Variants in LRRIQ1 observed in about 807,000 individuals in gnomAD.
LRRIQ1 encodes leucine rich repeats and IQ motif containing 1.
A neutral mutation model predicts 211.9 loss-of-function variants in LRRIQ1; 210 were observed. That is an observed-to-expected ratio of 0.99 (90% confidence interval 0.89 to 1.11). LRRIQ1 has a LOEUF of 1.11. Among genes scored for constraint, LRRIQ1 ranks in the 50% most tolerant of loss-of-function variants. LRRIQ1 has a pLI of 0.00. For synonymous variants in LRRIQ1, 699 were observed against 650.1 expected (o/e 1.08, Z -1.14); for missense variants, 2,136 against 1,939.5 (o/e 1.10, Z -1.90).
chr12:85,042,656 CG>C (rs1295446197), intron 3 of LRRIQ1, among the ~76,000 whole-genome samples: 112 of 149,750 alleles, frequency 7.5e-4, no homozygotes, highest in African/African-American at 2.6e-3. Context: ...ATTTGTTACA[CG>C]GGATGATAGT....
At position 85,193,681 on chromosome 12, in the gene LRRIQ1, A is replaced by G. The variant is rs1055684416; in HGVS notation, c.4822+32967A>G. Among the ~76,000 whole-genome samples, 22 of 152,230 alleles carry G rather than the reference A, an allele frequency of 1.4e-4. No individual in the cohort carries two copies. The South Asian group carries it at 3.7e-3, about 26-fold the overall frequency. ...AGAGCTCCTAAAGGAAGCACTAAAC[A>G]TGGAAAGGAACAACCAGTACCAGCC... is the stretch of plus-strand genomic sequence containing the variant. On this transcript the variant is annotated intron_variant, in intron 24 of 26. Transcript: ENST00000393217.
chr12:85,203,716 G>C (rs530472811), intron 24 of LRRIQ1, among the ~76,000 whole-genome samples: 50 of 152,162 alleles, frequency 3.3e-4, no homozygotes, highest in African/African-American at 1.1e-3. Flanking sequence ...GATGATTTAG[G>C]GTATCTGGTG....
intron 19 of LRRIQ1, among the ~76,000 whole-genome samples, chr12:85,145,620 C>T (rs1382764785): frequency 6.6e-6 from 1 of 151,592 alleles, no homozygotes; most frequent in Non-Finnish European, 1.5e-5. Context: ...TCTCCTTTTC[C>T]CCCAAGTTCC....
the LRRIQ1 span, among the ~76,000 whole-genome samples, chr12:85,269,626 T>C: frequency 2.6e-5 from 4 of 152,150 alleles, no homozygotes; most frequent in African/African-American, 7.2e-5. Flanking sequence ...AGAATATTGA[T>C]ATAGACAGTG....
At chr12:85,173,940 A>G (rs866424215) in intron 24 of LRRIQ1, among the ~76,000 whole-genome samples, 5 of 152,128 alleles carry the variant, frequency 3.3e-5, no homozygotes, top group African/African-American at 9.7e-5. Context: ...CTAAAAACTG[A>G]TATCAGGTAT....
the LRRIQ1 span, among the ~76,000 whole-genome samples, chr12:85,269,683 C>T: frequency 6.6e-6 from 1 of 151,874 alleles, no homozygotes; most frequent in Non-Finnish European, 1.5e-5. Flanking sequence ...TTCCTTGAGG[C>T]CTTCAGGAGC....
intron 15 of LRRIQ1, among the ~76,000 whole-genome samples, chr12:85,113,165 A>G (rs1887309455): frequency 6.6e-6 from 1 of 152,166 alleles, no homozygotes; most frequent in Admixed American, 6.5e-5. Context: ...CAGAATTGCA[A>G]TTTTAAAGAG....
At chr12:85,037,567 G>A (rs988158877) in intron 1 of LRRIQ1, among the ~76,000 whole-genome samples, 2 of 151,360 alleles carry the variant, frequency 1.3e-5, no homozygotes, top group African/African-American at 4.9e-5. Context: ...GAAGTTATGG[G>A]TAGAACTGAT....
chr12:85,055,945 A>G lies in LRRIQ1; in HGVS notation c.1152A>G (p.Ile384Met), dbSNP rs539161034. ...AGCAACTAATAAGCAAGGAAAAAAT[A>G]ATATTAAGAGAAGATGCAAGCCAAC... ...EREQLISKEK[I>M]ILREDASQQL... The change falls in exon 8 of 27, where the codon ATA becomes ATG. Residue 384 changes from isoleucine (I) to methionine (M), a missense_variant. Transcript: ENST00000393217. The G allele has an allele frequency of 3.1e-6, 5 of 1,606,808 alleles. No homozygotes were observed. The African/African-American group carries it at 6.7e-5, about 22-fold the overall frequency.
intron 12 of LRRIQ1, 31 bp downstream of exon 12, chr12:85,098,579 A>C: frequency 6.6e-7 from 1 of 1,515,414 alleles, no homozygotes; most frequent in South Asian, 1.2e-5. Context: ...GATTTCTGTG[A>C]TAAAGCAACA....
chr12:85,063,012 C>G (rs1384126922), intron 8 of LRRIQ1, among the ~76,000 whole-genome samples: 4 of 151,532 alleles, frequency 2.6e-5, no homozygotes, highest in African/African-American at 9.7e-5. Flanking sequence ...TTCAAAACAT[C>G]TCTGTTCATG....
intron 23 of LRRIQ1, among the ~76,000 whole-genome samples, chr12:85,159,868 A>G (rs1890769674): frequency 6.6e-6 from 1 of 151,986 alleles, no homozygotes; most frequent in South Asian, 2.1e-4. Context: ...GAAACATTTA[A>G]TAACACCTGA....
At chr12:85,228,812 CA>C (rs1334315942) in intron 24 of LRRIQ1, among the ~76,000 whole-genome samples, 5 of 152,088 alleles carry the variant, frequency 3.3e-5, no homozygotes, top group African/African-American at 1.2e-4. Flanking sequence ...AAGAATATTT[CA>C]AAGTAATAAA....
intron 1 of LRRIQ1, among the ~76,000 whole-genome samples, chr12:85,260,680 T>C (rs1896260297): frequency 6.6e-6 from 1 of 152,176 alleles, no homozygotes; most frequent in Non-Finnish European, 1.5e-5. Context: ...AAATATTCGG[T>C]ATCCAGGCAA....
chr12:85,097,782 C>G (rs1356925618), intron 11 of LRRIQ1, among the ~76,000 whole-genome samples: 1 of 151,952 alleles, frequency 6.6e-6, no homozygotes, highest in Non-Finnish European at 1.5e-5. Flanking sequence ...CAGTTTTTTC[C>G]TTATGACCAC....
chr12:85,101,705 C>T (rs1886355723), intron 13 of LRRIQ1, among the ~76,000 whole-genome samples: 1 of 151,742 alleles, frequency 6.6e-6, no homozygotes, highest in Admixed American at 6.6e-5. Context: ...AATGAGTAGC[C>T]AGTTTTCTTG....
At chr12:85,268,242 A>G (rs150225167), downstream of LRRIQ1, among the ~76,000 whole-genome samples, 74 of 152,102 alleles carry the variant, frequency 4.9e-4, 1 homozygote, top group African/African-American at 1.6e-3. Context: ...TTTCAAATAC[A>G]TAAATCTTAA....
At chr12:85,102,161 A>G (rs1384646315) in intron 13 of LRRIQ1, among the ~76,000 whole-genome samples, 1 of 151,674 alleles carries the variant, frequency 6.6e-6, no homozygotes, top group Non-Finnish European at 1.5e-5. Flanking sequence ...TAACAATTAT[A>G]CAGAACGTGC....
intron 8 of LRRIQ1, among the ~76,000 whole-genome samples, chr12:85,063,185 A>G (rs1367618975): frequency 6.6e-6 from 1 of 150,876 alleles, no homozygotes. Flanking sequence ...CTAGCCGTGC[A>G]GAAGCTCTCT....
Sources: gnomAD v4.1 joint callset for allele counts (sites outside exome capture counted in the v4.1 genomes callset) on GRCh38, gnomAD v4.1.1 for gene constraint, MANE v1.5 for transcripts, NCBI Gene and HGNC (gene_info 2026-07-23, HGNC 2026-07-21) for gene names.